Variants in GRIK5 observed in about 807,000 individuals in gnomAD.
The protein encoded by GRIK5 is glutamate receptor ionotropic, kainate 5.
GRIK5 carries 43 observed loss-of-function variants against 97.4 expected under a neutral mutation model. That is an observed-to-expected ratio of 0.44 (90% CI 0.35 to 0.57). The LOEUF is 0.57. GRIK5 is among the 20% of genes least tolerant of loss of function. The pLI is 0.01. For synonymous variants in GRIK5, 580 were observed against 583.5 expected (o/e 0.99, Z 0.09); for missense variants, 1,015 against 1,382.0 (o/e 0.73, Z 4.21).
At chr19:42,008,576 G>A (rs377103806) in intron 15 of GRIK5, among the ~76,000 whole-genome samples, 9 of 151,970 alleles carry the variant, frequency 5.9e-5, no homozygotes, top group East Asian at 2.0e-4. Flanking sequence ...GCAGTGAACC[G>A]AGATCACCAC....
chr19:42,039,658 G>C (rs1428628094), intron 12 of GRIK5, among the ~76,000 whole-genome samples: 1 of 152,096 alleles, frequency 6.6e-6, no homozygotes, highest in Non-Finnish European at 1.5e-5. Flanking sequence ...GAAAATGGAT[G>C]AACACACAAA....
chr19:42,057,950 TG>T (rs2076209289), intron 6 of GRIK5, among the ~76,000 whole-genome samples: 1 of 152,128 alleles, frequency 6.6e-6, no homozygotes, highest in Admixed American at 6.5e-5. Flanking sequence ...TTGCATTTCC[TG>T]GGTGGCAGGA....
chr19:42,029,852 G>A (rs1431643957), intron 12 of GRIK5, among the ~76,000 whole-genome samples: 2 of 152,074 alleles, frequency 1.3e-5, no homozygotes, highest in African/African-American at 4.8e-5. Flanking sequence ...TGTGGTATGA[G>A]TTGCCACCAA....
chr19:42,060,701 G>A (rs1335740998), intron 5 of GRIK5, among the ~76,000 whole-genome samples: 2 of 151,588 alleles, frequency 1.3e-5, no homozygotes, highest in East Asian at 1.9e-4. Context: ...ATTGTCCTGC[G>A]GCCTTCACGC....
chr19:41,998,804 CT>C lies in GRIK5; in HGVS notation c.*66del. 1.2e-6 allele frequency: 1 copy of C among 820,582 alleles called. No homozygotes were observed. The highest frequency in any genetic ancestry group is 1.5e-6 in the Non-Finnish European group (1 of 658,382). 50.8% of individuals were successfully genotyped at this position (820,582 alleles called of 1,614,324 possible). A position where few individuals can be genotyped will look rare whatever the true frequency, so the allele number is the denominator to read the frequency against. On this transcript the variant is annotated 3_prime_UTR_variant, in exon 20 of 20. Coordinates refer to ENST00000593562, the MANE Select transcript of GRIK5 (RefSeq NM_002088.5). ...CCCGCGCCCGCTGCGGGAGCGGAGA[CT>C]GCTGGGGCCTGGGGCGGGCCCCGTC...
In GRIK5 at chr19:41,999,240, C is replaced by T; in HGVS notation, c.2574G>A (p.Thr858=). The change falls in exon 20 of 20, where the codon ACG becomes ACA. Residue 858 remains threonine (T), a synonymous_variant. Transcript: ENST00000593562. The surrounding 1 kb of genome is among the most constrained non-coding windows in gnomAD (Gnocchi z 5.0). The part of the protein sequence containing the change: ...ELRHAVSCRK[T]SRSRRRRRPG... ...GGCGTCGGCGCCGGCGGGAACGCGA[C>T]GTCTTGCGGCAAGAAACGGCGTGGC... 6.6e-7 allele frequency: 1 copy of T among 1,523,374 alleles called. No homozygotes were observed. The highest frequency in any genetic ancestry group is 1.2e-5 in the South Asian group (1 of 83,424). The allele number at this position is 1,523,374 out of a possible 1,614,324, so 94.4% of individuals were successfully genotyped here. A position where few individuals can be genotyped will look rare whatever the true frequency, so the allele number is the denominator to read the frequency against.
intron 11 of GRIK5, among the ~76,000 whole-genome samples, chr19:42,044,330 TAA>T (rs2076016901): frequency 6.6e-6 from 1 of 152,244 alleles, no homozygotes; most frequent in African/African-American, 2.4e-5. Flanking sequence ...ATTCAAATTC[TAA>T]TACCAATTAT....
At chr19:42,047,209 T>G (rs1008122559) in intron 11 of GRIK5, among the ~76,000 whole-genome samples, 4 of 151,882 alleles carry the variant, frequency 2.6e-5, no homozygotes, top group Non-Finnish European at 5.9e-5. Flanking sequence ...TGTAACAATT[T>G]TTTTAAAATT....
chr19:42,029,808 G>A (rs1349410964), intron 12 of GRIK5, among the ~76,000 whole-genome samples: 1 of 152,192 alleles, frequency 6.6e-6, no homozygotes, highest in African/African-American at 2.4e-5. Context: ...ACGGGCTGTA[G>A]GGAAAGTAAA....
chr19:42,019,405 G>T (rs577971539), intron 15 of GRIK5, among the ~76,000 whole-genome samples: 1 of 152,104 alleles, frequency 6.6e-6, no homozygotes, highest in Admixed American at 6.5e-5. Flanking sequence ...TATCCTGTTT[G>T]GTTCCTCAAT....
chr19:41,998,958 A>T lies in GRIK5; in HGVS notation c.2856T>A (p.Arg952=), dbSNP rs2075402580. 2 of 1,143,390 alleles carry T rather than the reference A, an allele frequency of 1.7e-6. No individual in the cohort carries two copies. The highest frequency in any genetic ancestry group is 2.1e-6 in the Non-Finnish European group (2 of 931,768). The allele number at this position is 1,143,390 out of a possible 1,614,324, so 70.8% of individuals were successfully genotyped here. ...TGGCTTCGGCGGGGACGCCCAGGCCACGCGGAGGCGCGCCGGCCCCCGAGG... is the reference window on the plus strand; with the variant it reads ...TGGCTTCGGCGGGGACGCCCAGGCCTCGCGGAGGCGCGCCGGCCCCCGAGG... ...LRASGAGAPP[R]GLGVPAEATS... is the part of the protein sequence containing the mutation. Residue 952 remains arginine (R), a synonymous_variant, in exon 20 of 20, where the codon CGT becomes CGA. Coordinates refer to ENST00000593562, the MANE Select transcript of GRIK5 (RefSeq NM_002088.5).
chr19:42,000,343 G>A (rs1568875239), intron 19 of GRIK5, among the ~76,000 whole-genome samples: 1 of 152,162 alleles, frequency 6.6e-6, no homozygotes, highest in Non-Finnish European at 1.5e-5. Context: ...AGGGATGGCT[G>A]GACCAGAGCG....
Position 42,021,368 on chromosome 19 carries a change from C to A in GRIK5, c.1804G>T (p.Gly602Cys), listed in dbSNP as rs766090889. The A allele has an allele frequency of 1.9e-6, 3 of 1,613,522 alleles. No homozygotes were observed. The highest frequency in any genetic ancestry group is 3.3e-5 in the Admixed American group (2 of 59,976). Residue 602 changes from glycine to cysteine, a missense_variant, in exon 15 of 20, where the codon GGC becomes TGC. By Grantham distance (159) the Gly-to-Cys change is radical. This residue lies in a region of GRIK5 where 477 missense variants were observed against 701.1 expected (regional missense o/e 0.68). Transcript: ENST00000593562. This position sits in a 1 kb window ranked among gnomAD's most constrained non-coding sequence, Gnocchi z 4.2. ...ATCTCCGAGCCCTGCTGCATGAAGC[C>A]CCCCACGGGAAACCACAGGCTGTTG... ...LGNSLWFPVG[G>C]FMQQGSEIMP...
chr19:42,022,711 G>C lies in GRIK5; in HGVS notation c.1474-357C>G. 5.2e-6 allele frequency: 5 copies of C among 962,132 alleles called. No individual in the cohort carries two copies. Among genetic ancestry groups the C allele is most frequent in the Non-Finnish European group, 6.2e-6 (5 of 809,040 alleles). 59.6% of individuals were successfully genotyped at this position (962,132 alleles called of 1,614,324 possible). A position where few individuals can be genotyped will look rare whatever the true frequency, so the allele number is the denominator to read the frequency against. On this transcript the variant is annotated intron_variant, in intron 12 of 19. Transcript: ENST00000593562. This position sits in a 1 kb window ranked among gnomAD's most constrained non-coding sequence, Gnocchi z 4.2. ...AGAGCCAAGGTCCTGAAGGGGCTGA[G>C]ACTGACAGCACTCGAGATAATACAG...
chr19:42,053,704 C>T lies in GRIK5; in HGVS notation c.1167G>A (p.Gly389=), dbSNP rs141898879. 4.8e-5 allele frequency: 77 copies of T among 1,605,812 alleles called. No individual in the cohort carries two copies. The African/African-American group carries it at 9.8e-4, about 20-fold the overall frequency. The change falls in exon 11 of 20, where the codon GGG becomes GGA. Residue 389 remains glycine, a synonymous_variant. Transcript: ENST00000593562. The stretch of plus-strand genomic sequence containing the variant: ...CCAGGGTGCGGTTAGAGTACCACAC[C>T]CCAATCTAGGGGGCAGAGAGGGTGC... ...EKSRQGHREI[G]VWYSNRTLAM... is the part of the protein sequence containing the mutation.
intron 12 of GRIK5, among the ~76,000 whole-genome samples, chr19:42,040,000 C>T (rs563414662): frequency 4.7e-4 from 71 of 151,658 alleles, no homozygotes; most frequent in African/African-American, 1.6e-3. Context: ...AAAAAAAGGA[C>T]ACACGCATAC....
chr19:42,016,335 C>T (rs1008425967), intron 15 of GRIK5, among the ~76,000 whole-genome samples: 2 of 152,204 alleles, frequency 1.3e-5, no homozygotes, highest in Admixed American at 6.5e-5. Context: ...CCAGGAGAAT[C>T]GCTTGAACCC....
intron 11 of GRIK5, among the ~76,000 whole-genome samples, chr19:42,043,777 A>G (rs1317591190): frequency 6.6e-6 from 1 of 151,638 alleles, no homozygotes; most frequent in African/African-American, 2.4e-5. Context: ...AATGTTAGCA[A>G]CTCTCATGCC....
chr19:42,003,807 G>T lies in GRIK5; in HGVS notation c.2264-124C>A. 2 of 1,041,352 alleles carry T rather than the reference G, an allele frequency of 1.9e-6. No homozygotes were observed. Among genetic ancestry groups the T allele is most frequent in the Non-Finnish European group, 2.7e-6 (2 of 745,334 alleles). The allele number at this position is 1,041,352 out of a possible 1,614,324, so 64.5% of individuals were successfully genotyped here. A position where few individuals can be genotyped will look rare whatever the true frequency, so the allele number is the denominator to read the frequency against. ...CTACCACGTGCCCAGGGTCTTCCCT[G>T]CAGCCTCTCCTCACCCCCAGCCCAG... On this transcript the variant is annotated intron_variant, in intron 17 of 19. Coordinates refer to ENST00000593562, the MANE Select transcript of GRIK5 (RefSeq NM_002088.5). The surrounding 1 kb of genome is among the most constrained non-coding windows in gnomAD (Gnocchi z 4.2).
Sources: allele counts gnomAD v4.1 joint callset (sites outside exome capture counted in the v4.1 genomes callset), GRCh38; gene constraint gnomAD v4.1.1; regional missense constraint gnomAD v4.1.1; non-coding constraint Gnocchi (gnomAD v3.1); transcripts MANE v1.5; gene names NCBI Gene and HGNC (gene_info 2026-07-23, HGNC 2026-07-21).